TCF12: variants seen among roughly 807,000 people sequenced by gnomAD.
The protein encoded by TCF12 is DNA-binding protein HTF4.
A neutral mutation model predicts 86.0 loss-of-function variants in TCF12; 45 were observed. That is an observed-to-expected ratio of 0.52 (90% CI 0.41 to 0.67). TCF12 has a LOEUF of 0.67. TCF12 is among the 30% of genes least tolerant of loss of function. TCF12 has a pLI of 0.00. For missense variants in TCF12, 881 were observed against 859.9 expected (o/e 1.02, Z -0.31); for synonymous variants, 330 against 299.6 (o/e 1.10, Z -1.05).
intron 3 of TCF12, among the ~76,000 whole-genome samples, chr15:56,976,921 T>C (rs2140834397): frequency 6.6e-6 from 1 of 152,286 alleles, no homozygotes; most frequent in South Asian, 2.1e-4. Context: ...TGAGGGGACA[T>C]ATTTTAAAAT....
chr15:57,254,261 A>C (rs1446300586), intron 16 of TCF12, among the ~76,000 whole-genome samples: 1 of 152,218 alleles, frequency 6.6e-6, no homozygotes, highest in African/African-American at 2.4e-5. Flanking sequence ...AAACTTACCT[A>C]TCATCAAAAT....
At chr15:57,011,196 C>T (rs186920829) in intron 3 of TCF12, among the ~76,000 whole-genome samples, 1 of 152,210 alleles carries the variant, frequency 6.6e-6, no homozygotes, top group East Asian at 1.9e-4. Context: ...ATGTGATTCC[C>T]AGTGTTGGAG....
chr15:57,140,427 C>T (rs2052874497), intron 5 of TCF12, among the ~76,000 whole-genome samples: 1 of 152,178 alleles, frequency 6.6e-6, no homozygotes, highest in African/African-American at 2.4e-5. Flanking sequence ...CATCATCCAA[C>T]AACCCTTGAG....
At chr15:57,103,469 C>G (rs1190763030) in intron 5 of TCF12, among the ~76,000 whole-genome samples, 1 of 152,188 alleles carries the variant, frequency 6.6e-6, no homozygotes, top group Admixed American at 6.5e-5. Context: ...GTCCCAGCTA[C>G]TTTCCACATG....
At position 57,167,477 on chromosome 15, in the gene TCF12, C is replaced by G. The variant is rs538546655; in HGVS notation, c.390+1011C>G. On this transcript the variant is annotated intron_variant, in intron 6 of 20. Transcript: ENST00000333725. ...TTGGGAGGCTGAAGCAGGAGGATCA[C>G]TTGAGCCCAGGAGTTGAAGGCTGCA... Among the ~76,000 whole-genome samples the G allele has an allele frequency of 2.6e-5, 4 of 152,098 alleles. No homozygotes were observed. The South Asian group carries it at 8.3e-4, about 32-fold the overall frequency.
rs1362568539 is a variant in TCF12, at chr15:57,049,048, T to C, written c.149-14702T>C. Among the ~76,000 whole-genome samples, 5 of 152,120 alleles carry C rather than the reference T, an allele frequency of 3.3e-5. No individual in the cohort carries two copies. In the East Asian group the frequency reaches 7.7e-4, roughly 23 times the overall value. On this transcript the variant is annotated intron_variant, in intron 3 of 20. Transcript: ENST00000333725. ...CTAAAGAGAGCCATGTTGACCGTGG[T>C]CACGTCCACTTTCTGGGGGCTGCCT...
intron 3 of TCF12, among the ~76,000 whole-genome samples, chr15:57,062,209 G>A (rs1034935722): frequency 2.0e-5 from 3 of 152,034 alleles, no homozygotes; most frequent in African/African-American, 7.2e-5. Flanking sequence ...GCCCGCCTCG[G>A]CCTCCCAAAG....
At chr15:57,066,654 T>A (rs1236060321) in intron 4 of TCF12, among the ~76,000 whole-genome samples, 2 of 152,204 alleles carry the variant, frequency 1.3e-5, no homozygotes, top group Non-Finnish European at 2.9e-5. Context: ...AGTAATTTGT[T>A]GGAGATACAA....
At chr15:57,160,783 C>T (rs1194497247) in intron 5 of TCF12, among the ~76,000 whole-genome samples, 1 of 152,064 alleles carries the variant, frequency 6.6e-6, no homozygotes, top group Non-Finnish European at 1.5e-5. Context: ...GCCTCAAACT[C>T]CCAGGTTCAA....
chr15:57,184,106 C>G (rs9806657), intron 6 of TCF12, among the ~76,000 whole-genome samples: 9,868 of 151,862 alleles, frequency 0.065, 814 homozygotes, highest in East Asian at 0.26. Flanking sequence ...ACCCTGCAGA[C>G]TTAGTCCTTT....
Position 57,028,562 on chromosome 15 carries a change from G to A in TCF12, c.149-35188G>A, listed in dbSNP as rs557894275. Among the ~76,000 whole-genome samples the A allele has an allele frequency of 3.3e-5, 5 of 152,108 alleles. No homozygotes were observed. The East Asian group carries it at 9.7e-4, about 29-fold the overall frequency. On this transcript the variant is annotated intron_variant, in intron 3 of 20. Coordinates refer to ENST00000333725, the MANE Select transcript of TCF12 (RefSeq NM_207037.2). The stretch of plus-strand genomic sequence containing the variant: ...TGCCAGCTTTTTGTTAAATTTAAAG[G>A]GCACCTCATAATTTTGGATATAAAA...
chr15:57,017,549 G>C (rs547692352), intron 3 of TCF12, among the ~76,000 whole-genome samples: 2 of 152,262 alleles, frequency 1.3e-5, no homozygotes, highest in South Asian at 4.2e-4. Flanking sequence ...CCCTGCTTTA[G>C]CATGCTAGCC....
At chr15:56,972,275 C>G (rs1391708600) in intron 3 of TCF12, among the ~76,000 whole-genome samples, 1 of 152,142 alleles carries the variant, frequency 6.6e-6, no homozygotes, top group Non-Finnish European at 1.5e-5. Flanking sequence ...TCTTTTGATC[C>G]AGCAATTCCA....
intron 3 of TCF12, among the ~76,000 whole-genome samples, chr15:56,999,103 C>A (rs571772479): frequency 6.6e-6 from 1 of 151,578 alleles, no homozygotes; most frequent in African/African-American, 2.4e-5. Context: ...GAGGCTGAGG[C>A]AGGAGAATGG....
intron 3 of TCF12, among the ~76,000 whole-genome samples, chr15:57,012,268 G>A (rs948172455): frequency 6.6e-6 from 1 of 152,030 alleles, no homozygotes; most frequent in African/African-American, 2.4e-5. Context: ...AGAAAGAAGT[G>A]TTGTCCTAGC....
At chr15:57,278,098 C>A (rs1156526159) in intron 19 of TCF12, among the ~76,000 whole-genome samples, 1 of 152,106 alleles carries the variant, frequency 6.6e-6, no homozygotes, top group East Asian at 1.9e-4. Flanking sequence ...TCCCAGGTAG[C>A]TGGAACTGCA....
chr15:57,016,181 G>A (rs977153098), intron 3 of TCF12, among the ~76,000 whole-genome samples: 11 of 152,160 alleles, frequency 7.2e-5, no homozygotes, highest in African/African-American at 2.7e-4. Context: ...GAAATGATTA[G>A]TGTTAGGATT....
At chr15:57,071,157 A>G (rs1260488644) in intron 4 of TCF12, among the ~76,000 whole-genome samples, 3 of 152,028 alleles carry the variant, frequency 2.0e-5, no homozygotes, top group East Asian at 1.9e-4. Flanking sequence ...CTGTAAACCC[A>G]GTACGTTGGG....
chr15:57,137,794 C>G (rs2052660932), intron 5 of TCF12, among the ~76,000 whole-genome samples: 1 of 152,182 alleles, frequency 6.6e-6, no homozygotes, highest in East Asian at 1.9e-4. Context: ...TTTGAGAGGC[C>G]AAGGCTGGCG....
Sources: allele counts gnomAD v4.1 joint callset (sites outside exome capture counted in the v4.1 genomes callset), GRCh38; gene constraint gnomAD v4.1.1; transcripts MANE v1.5; gene names NCBI Gene and HGNC (gene_info 2026-07-23, HGNC 2026-07-21).